Variants in UBAC2 observed in about 807,000 individuals in gnomAD.
UBAC2 encodes ubiquitin-associated domain-containing protein 2.
UBAC2 carries 26 observed loss-of-function variants against 44.0 expected under a neutral mutation model. The ratio of observed to expected loss-of-function variants is 0.59; its 90% CI spans 0.43 to 0.82. The LOEUF (loss-of-function observed/expected upper bound fraction) is 0.82. Among genes scored for constraint, UBAC2 ranks in the 40% least tolerant of loss-of-function variants. The probability of loss-of-function intolerance (pLI) is 0.00; values close to 1 mark genes in which losing one functional copy is unlikely to be tolerated. For missense variants in UBAC2, 329 were observed against 419.4 expected, an observed-to-expected ratio of 0.78 and a Z score of 1.88; for synonymous variants, 155 against 154.3, an observed-to-expected ratio of 1.00 and a Z score of -0.04.
chr13:99,254,762 G>T (rs1594052650), intron 4 of UBAC2: 1 of 755,192 alleles, frequency 1.3e-6, no homozygotes, highest in East Asian at 2.7e-5. Context: ...TGAAGATAAT[G>T]AATTTATTTT....
At chr13:99,383,773 T>C (rs902008699) in intron 8 of UBAC2, among the ~76,000 whole-genome samples, 7 of 152,260 alleles carry the variant, frequency 4.6e-5, no homozygotes, top group African/African-American at 1.7e-4. Flanking sequence ...CTGGCTGGAC[T>C]CCAGCTTCTG....
intron 4 of UBAC2, among the ~76,000 whole-genome samples, chr13:99,264,169 T>C (rs2043708583): frequency 6.6e-6 from 1 of 152,188 alleles, no homozygotes; most frequent in Admixed American, 6.5e-5. Context: ...AGCAGTGCTT[T>C]TCTTTTGAGA....
At chr13:99,307,130 C>A (rs1164694500) in intron 4 of UBAC2, among the ~76,000 whole-genome samples, 1 of 151,958 alleles carries the variant, frequency 6.6e-6, no homozygotes, top group Non-Finnish European at 1.5e-5. Flanking sequence ...TCTGGTGGAC[C>A]CATCGCTTTC....
intron 8 of UBAC2, among the ~76,000 whole-genome samples, chr13:99,383,778 C>T (rs1424589197): frequency 6.6e-6 from 1 of 152,260 alleles, no homozygotes; most frequent in African/African-American, 2.4e-5. Context: ...TGGACTCCAG[C>T]TTCTGAGCAG....
At chr13:99,268,499 C>G (rs997285508) in intron 4 of UBAC2, among the ~76,000 whole-genome samples, 1 of 149,748 alleles carries the variant, frequency 6.7e-6, no homozygotes, top group Non-Finnish European at 1.5e-5. Flanking sequence ...TCTCAGCTAC[C>G]TAGGAGGCTG....
chr13:99,315,164 TTTTA>T (rs776791011), intron 5 of UBAC2, among the ~76,000 whole-genome samples: 2 of 152,232 alleles, frequency 1.3e-5, no homozygotes, highest in African/African-American at 4.8e-5. Flanking sequence ...CATGAAATCT[TTTTA>T]TTCTCCATCT....
intron 1 of UBAC2, among the ~76,000 whole-genome samples, chr13:99,211,875 C>G (rs956254843): frequency 1.3e-5 from 2 of 152,136 alleles, no homozygotes; most frequent in African/African-American, 4.8e-5. Context: ...TGGCAGTGTG[C>G]TTTTCCCTCA....
rs1404527319 is a variant in UBAC2 at position 99,385,446 on chromosome 13, A to C, written c.*111A>C. ...TCTCTGGTGCTGATGTTCTTGTGGGAAGAGGGAGGTTCCACCGCACCCCTG... is the reference window on the plus strand; with the variant it reads ...TCTCTGGTGCTGATGTTCTTGTGGGCAGAGGGAGGTTCCACCGCACCCCTG... On this transcript the variant is annotated 3_prime_UTR_variant, in exon 9 of 9. Transcript: ENST00000403766. 2.3e-6 allele frequency: 2 copies of C among 871,434 alleles called. No homozygotes were observed. The highest frequency in any genetic ancestry group is 3.3e-5 in the African/African-American group (2 of 60,644). The allele number at this position is 871,434 out of a possible 1,614,324, so 54.0% of individuals were successfully genotyped here. A position where few individuals can be genotyped will look rare whatever the true frequency, so the allele number is the denominator to read the frequency against.
intron 8 of UBAC2, among the ~76,000 whole-genome samples, chr13:99,383,798 C>T (rs547331662): frequency 4.6e-5 from 7 of 152,354 alleles, no homozygotes; most frequent in East Asian, 1.9e-4. Context: ...GTGTCCACTG[C>T]GTGTCCCTGT....
chr13:99,295,472 C>A lies in UBAC2; in HGVS notation c.390-18625C>A. ...AGTGAGTGGGTTTTGTTTGGCAGTT[C>A]TGAAGAGTTTGCAGCAGATCTGAGA... On this transcript the variant is annotated intron_variant, in intron 4 of 8. Transcript: ENST00000403766. This position sits in a 1 kb window ranked among gnomAD's most constrained non-coding sequence, Gnocchi z 4.1. 1 of 1,613,888 alleles carries A rather than the reference C, an allele frequency of 6.2e-7. No homozygotes were observed. The highest frequency in any genetic ancestry group is 8.5e-7 in the Non-Finnish European group (1 of 1,180,006).
chr13:99,209,218 G>T (rs1285510656), intron 1 of UBAC2, among the ~76,000 whole-genome samples: 1 of 152,026 alleles, frequency 6.6e-6, no homozygotes, highest in East Asian at 1.9e-4. Flanking sequence ...ACCTCAGCTT[G>T]GTATGAAGGT....
At chr13:99,201,326 G>A in intron 1 of UBAC2, 1 of 1,515,154 alleles carries the variant, frequency 6.6e-7, no homozygotes, top group Non-Finnish European at 8.9e-7. Flanking sequence ...CATTCTTTTA[G>A]GCTTGGGGGA....
intron 7 of UBAC2, among the ~76,000 whole-genome samples, chr13:99,355,828 G>A (rs943994179): frequency 6.6e-6 from 1 of 152,194 alleles, no homozygotes. Context: ...GGAGGGCAGC[G>A]GCGGCACAGA....
intron 7 of UBAC2, among the ~76,000 whole-genome samples, chr13:99,345,773 T>C: frequency 6.7e-6 from 1 of 149,758 alleles, no homozygotes; most frequent in Non-Finnish European, 1.5e-5. Context: ...GACAGAGTCT[T>C]GCTCTGTTGC....
intron 4 of UBAC2, among the ~76,000 whole-genome samples, chr13:99,276,096 C>T (rs1047633563): frequency 9.2e-5 from 14 of 152,124 alleles, no homozygotes; most frequent in African/African-American, 2.2e-4. Context: ...CAAGACCTTC[C>T]GTTTTTCTGC....
intron 4 of UBAC2, among the ~76,000 whole-genome samples, chr13:99,249,105 G>A (rs188000119): frequency 8.5e-5 from 13 of 152,252 alleles, no homozygotes; most frequent in Admixed American, 5.9e-4. Flanking sequence ...GAGGTTTGGG[G>A]TACAGATGAT....
At chr13:99,353,939 T>C (rs2045136124) in intron 7 of UBAC2, among the ~76,000 whole-genome samples, 1 of 152,156 alleles carries the variant, frequency 6.6e-6, no homozygotes, top group African/African-American at 2.4e-5. Context: ...GCCAGGAATT[T>C]TCAGAGTCGT....
intron 8 of UBAC2, among the ~76,000 whole-genome samples, chr13:99,374,031 C>T (rs191836633): frequency 1.1e-4 from 16 of 152,290 alleles, no homozygotes; most frequent in Non-Finnish European, 1.8e-4. Flanking sequence ...TGTCAAACGA[C>T]AGAATTACAG....
In UBAC2 at chr13:99,295,426, T is replaced by G. The variant is rs773145839; in HGVS notation, c.390-18671T>G. The G allele has an allele frequency of 1.2e-6, 2 of 1,614,118 alleles. No homozygotes were observed. Among genetic ancestry groups the G allele is most frequent in the Non-Finnish European group, 1.7e-6 (2 of 1,180,010 alleles). ...TAAGAATAATTGTGTTGAGAGCCTT[T>G]TTGTTTACACCAGATTTCTCAGTGA... On this transcript the variant is annotated intron_variant, in intron 4 of 8. Transcript: ENST00000403766. The surrounding 1 kb of genome is among the most constrained non-coding windows in gnomAD (Gnocchi z 4.1).
Sources: gnomAD v4.1 joint callset for allele counts (sites outside exome capture counted in the v4.1 genomes callset) on GRCh38, gnomAD v4.1.1 for gene constraint, Gnocchi (gnomAD v3.1) non-coding constraint, MANE v1.5 for transcripts, NCBI Gene and HGNC (gene_info 2026-07-23, HGNC 2026-07-21) for gene names.